Variants in NUP210 observed in about 807,000 individuals in gnomAD.
NUP210 encodes the protein nucleoporin 210.
Under a neutral mutation model 196.0 loss-of-function variants are expected in NUP210, and 151 were observed. The ratio of observed to expected loss-of-function variants is 0.77; its 90% CI spans 0.67 to 0.88. The LOEUF (loss-of-function observed/expected upper bound fraction) is 0.88, where lower values mean the gene tolerates loss of function less well. Ranked by LOEUF, NUP210 falls within the 40% of genes least tolerant of loss-of-function variation. The probability of loss-of-function intolerance (pLI) is 0.00; values close to 1 mark genes in which losing one functional copy is unlikely to be tolerated. For synonymous variants in NUP210, 1,070 were observed against 1,052.7 expected, an observed-to-expected ratio of 1.02 and a Z score of -0.32; for missense variants, 2,314 against 2,493.7, an observed-to-expected ratio of 0.93 and a Z score of 1.53.
intron 1 of NUP210, among the ~76,000 whole-genome samples, chr3:13,408,402 T>A (rs538751830): frequency 6.6e-6 from 1 of 152,210 alleles, no homozygotes; most frequent in Non-Finnish European, 1.5e-5. Context: ...CTTCTCTCTC[T>A]CCTGAGAGTC....
At chr3:13,326,026 G>T (rs1336297534) in intron 32 of NUP210, 95 bp from the exon 33 acceptor site, 3 of 1,500,386 alleles carry the variant, frequency 2.0e-6, no homozygotes, top group African/African-American at 2.7e-5. Context: ...TTCCTCGCTG[G>T]CTGCCGCTAC....
chr3:13,386,756 A>G (rs2124930292), intron 5 of NUP210, among the ~76,000 whole-genome samples: 1 of 152,264 alleles, frequency 6.6e-6, no homozygotes, highest in Admixed American at 6.5e-5. Flanking sequence ...TTCTCTCCAC[A>G]CAAAAGCCCA....
intron 8 of NUP210, 43 bp downstream of exon 8, chr3:13,378,869 C>G (rs1490238053): frequency 7.1e-7 from 1 of 1,416,080 alleles, no homozygotes. Context: ...CATATAGTCA[C>G]AACTGAGCAG....
intron 36 of NUP210, 119 bp from the exon 37 acceptor site, chr3:13,320,098 C>T (rs1455013156): frequency 1.0e-5 from 9 of 895,436 alleles, no homozygotes; most frequent in East Asian, 2.6e-5. Flanking sequence ...GAAGCACCCC[C>T]GCTTCAGCCT....
intron 6 of NUP210, among the ~76,000 whole-genome samples, chr3:13,383,817 G>T (rs373948746): frequency 3.3e-5 from 5 of 150,018 alleles, no homozygotes; most frequent in Non-Finnish European, 7.4e-5. Flanking sequence ...GTGAGCCACC[G>T]TGCCTGGCCG....
In NUP210 at chr3:13,319,869, T is replaced by C. The variant is rs746596550; in HGVS notation, c.5277A>G (p.Gln1759=). 12 of 1,614,202 alleles carry C rather than the reference T, an allele frequency of 7.4e-6. No homozygotes were observed. The highest frequency in any genetic ancestry group is 1.0e-5 in the Non-Finnish European group (12 of 1,180,026). Residue 1759 remains glutamine (Q), a synonymous_variant, in exon 37 of 40, where the codon CAA becomes CAG. Transcript: ENST00000254508. ...VGVLDPAAGS[Q]GPLSTTLTFS... The stretch of plus-strand genomic sequence containing the variant: ...AGGTCAGGGTAGTGGACAGAGGCCC[T>C]TGGCTGCCAGCCGCGGGGTCCAAGA...
At chr3:13,392,821 G>T (rs1699534268) in intron 3 of NUP210, among the ~76,000 whole-genome samples, 1 of 152,206 alleles carries the variant, frequency 6.6e-6, no homozygotes, top group South Asian at 2.1e-4. Context: ...AGTGTGCTCA[G>T]TGAGGGGAGC....
At position 13,343,139 on chromosome 3, in the gene NUP210, C is replaced by A. The variant is rs537853378; in HGVS notation, c.2964+36G>T. The stretch of plus-strand genomic sequence containing the variant: ...CCCCTCCCTCCCAGTTCCTGCAGGT[C>A]AGCCGAGGGTGCCCCGTCATGAAGC... On this transcript the variant is annotated intron_variant, in intron 21 of 39. Coordinates refer to ENST00000254508, the MANE Select transcript of NUP210 (RefSeq NM_024923.4). 2.1e-4 allele frequency: 345 copies of A among 1,611,102 alleles called. 1 individual carries two copies. Among genetic ancestry groups the A allele is most frequent in the South Asian group, 1.5e-3 (136 of 90,888 alleles).
intron 1 of NUP210, among the ~76,000 whole-genome samples, chr3:13,413,239 G>T (rs1329418804): frequency 6.7e-6 from 1 of 149,766 alleles, no homozygotes; most frequent in Admixed American, 6.6e-5. Flanking sequence ...AGGCCGAGAC[G>T]GGCGGATCAC....
rs1334610959 is a variant in NUP210, at chr3:13,353,687, G to A, written c.2522-27C>T. 4.4e-6 allele frequency: 7 copies of A among 1,592,482 alleles called. No homozygotes were observed. In the African/African-American group the frequency reaches 5.4e-5, roughly 12 times the overall value. ...TGAGACCAGGAAGAAGGAAGCCACC[G>A]TTGGATGTCTGCCCATCACCACCCC... is the stretch of plus-strand genomic sequence containing the variant. On this transcript the variant is annotated intron_variant, in intron 17 of 39. Transcript: ENST00000254508.
At position 13,330,593 on chromosome 3, in the gene NUP210, G is replaced by A. The variant is rs1696956555; in HGVS notation, c.3977C>T (p.Pro1326Leu). 1 of 1,614,058 alleles carries A rather than the reference G, an allele frequency of 6.2e-7. No individual in the cohort carries two copies. The highest frequency in any genetic ancestry group is 1.3e-5 in the African/African-American group (1 of 74,910). The change falls in exon 30 of 40, where the codon CCC becomes CTC. Residue 1326 changes from proline to leucine, a missense_variant. Pro to Leu is a moderately conservative substitution (Grantham distance 98). Coordinates refer to ENST00000254508, the MANE Select transcript of NUP210 (RefSeq NM_024923.4). ...ASLSYRVLDG[P>L]EKVPVVHVDE... ...AACATGCACAACTGGAACCTTTTCGGGTCCATCCAGGACGCGGTAGCTCAG... is the reference window on the plus strand; with the variant it reads ...AACATGCACAACTGGAACCTTTTCGAGTCCATCCAGGACGCGGTAGCTCAG...
At chr3:13,384,292 G>A (rs1050003133) in intron 6 of NUP210, among the ~76,000 whole-genome samples, 2 of 152,224 alleles carry the variant, frequency 1.3e-5, no homozygotes, top group Non-Finnish European at 2.9e-5. Flanking sequence ...TTTTTTCTGG[G>A]TTTCCTTTGG....
At position 13,379,820 on chromosome 3, in the gene NUP210, T is replaced by C. The variant is rs7625586; in HGVS notation, c.818-99A>G. The C allele has an allele frequency of 0.53, 507,644 of 958,870 alleles. 140,456 individuals are homozygous for C. The highest frequency in any genetic ancestry group is 0.79 in the African/African-American group (46,931 of 59,776). The allele number at this position is 958,870 out of a possible 1,614,324, so 59.4% of individuals were successfully genotyped here. A position where few individuals can be genotyped will look rare whatever the true frequency, so the allele number is the denominator to read the frequency against. ...CCACTGCCACCCCGAATCTCTGCAC[T>C]CTGCTCTCAGTACAGCTGACGCATT... On this transcript the variant is annotated intron_variant, in intron 6 of 39. Transcript: ENST00000254508. This position sits in a 1 kb window ranked among gnomAD's most constrained non-coding sequence, Gnocchi z 4.2.
chr3:13,379,095 G>T lies in NUP210; in HGVS notation c.977-115C>A. On this transcript the variant is annotated intron_variant, in intron 7 of 39. Coordinates refer to ENST00000254508, the MANE Select transcript of NUP210 (RefSeq NM_024923.4). The surrounding 1 kb of genome is among the most constrained non-coding windows in gnomAD (Gnocchi z 4.2). Reference sequence around the variant, plus strand: ...AGACATCACATGGAGAGAAGAAGAGGGGATGAAAACTCCCCTGGCTTAGGC... The same window carrying T: ...AGACATCACATGGAGAGAAGAAGAGTGGATGAAAACTCCCCTGGCTTAGGC... 1 of 925,614 alleles carries T rather than the reference G, an allele frequency of 1.1e-6. No individual in the cohort carries two copies. The highest frequency in any genetic ancestry group is 2.5e-5 in the East Asian group (1 of 40,742). 57.3% of individuals were successfully genotyped at this position (925,614 alleles called of 1,614,324 possible).
At chr3:13,339,153 A>C (rs527365085) in intron 25 of NUP210, among the ~76,000 whole-genome samples, 1 of 152,270 alleles carries the variant, frequency 6.6e-6, no homozygotes, top group Admixed American at 6.5e-5. Flanking sequence ...CAATGAACTC[A>C]ATGACGGATC....
At chr3:13,330,761 GC>G in intron 29 of NUP210, 127 bp from the exon 30 acceptor site, 1 of 870,624 alleles carries the variant, frequency 1.1e-6, no homozygotes, top group Non-Finnish European at 1.7e-6. Flanking sequence ...CCCAATCTTG[GC>G]CCCACGGACC....
Position 13,373,771 on chromosome 3 carries a change from T to G in NUP210, c.1534A>C (p.Ser512Arg). 6.2e-7 allele frequency: 1 copy of G among 1,614,182 alleles called. No homozygotes were observed. Among genetic ancestry groups the G allele is most frequent in the Non-Finnish European group, 8.5e-7 (1 of 1,180,014 alleles). ...VMTTGSDIGF[S>R]VIQAHDVQNP... ...TGCACATCATGTGCCTGGATCACAC[T>G]GAACCCGATGTCACTGCCTGTGGTC... The change falls in exon 12 of 40, where the codon AGT (serine) becomes CGT (arginine). Residue 512 changes from serine to arginine, a missense_variant. Physicochemically the swap from Ser to Arg is moderately radical, Grantham distance 110. Transcript: ENST00000254508.
chr3:13,357,137 G>C (rs1331291236), intron 16 of NUP210, among the ~76,000 whole-genome samples: 1 of 152,184 alleles, frequency 6.6e-6, no homozygotes, highest in Non-Finnish European at 1.5e-5. Flanking sequence ...AAGAGTCAAG[G>C]GTGAAGACAG....
intron 1 of NUP210, among the ~76,000 whole-genome samples, chr3:13,412,199 G>A (rs1700195240): frequency 6.7e-6 from 1 of 149,556 alleles, no homozygotes; most frequent in African/African-American, 2.5e-5. Flanking sequence ...GACCACAGGT[G>A]CCTGTGCCAC....
Sources: gnomAD v4.1 joint callset for allele counts (sites outside exome capture counted in the v4.1 genomes callset) on GRCh38, gnomAD v4.1.1 for gene constraint, Gnocchi (gnomAD v3.1) non-coding constraint, MANE v1.5 for transcripts, NCBI Gene and HGNC (gene_info 2026-07-23, HGNC 2026-07-21) for gene names.